Variants in C8orf34 observed in about 807,000 individuals in gnomAD.
C8orf34 encodes the protein uncharacterized protein C8orf34.
Under a neutral mutation model 68.3 loss-of-function variants are expected in C8orf34, and 65 were observed. That is an observed-to-expected ratio of 0.95 (90% confidence interval 0.78 to 1.17). The LOEUF is 1.17. Among genes scored for constraint, C8orf34 ranks in the 50% most tolerant of loss-of-function variants. The pLI is 0.00. For synonymous variants in C8orf34, 244 were observed against 241.2 expected (o/e 1.01, Z -0.11); for missense variants, 664 against 655.4 (o/e 1.01, Z -0.14).
At chr8:68,618,585 G>A (rs1211203661) in intron 7 of C8orf34, among the ~76,000 whole-genome samples, 2 of 79,686 alleles carry the variant, frequency 2.5e-5, no homozygotes. Flanking sequence ...CTGGGCTCAA[G>A]TGAAACTCCT....
chr8:68,386,135 G>C (rs943364633), intron 1 of C8orf34, among the ~76,000 whole-genome samples: 6 of 152,208 alleles, frequency 3.9e-5, no homozygotes, highest in African/African-American at 1.4e-4. Flanking sequence ...TTGAATGCCT[G>C]GGCTTAAGCA....
intron 1 of C8orf34, among the ~76,000 whole-genome samples, chr8:68,334,756 C>T (rs1485668190): frequency 6.6e-6 from 1 of 152,184 alleles, no homozygotes; most frequent in Non-Finnish European, 1.5e-5. Flanking sequence ...TCACTATCAC[C>T]TTCTCTGTTC....
At position 68,522,102 on chromosome 8, in the gene C8orf34, A is replaced by G. The variant is rs564952236; in HGVS notation, c.938+131A>G. On this transcript the variant is annotated intron_variant, in intron 6 of 13. Transcript: ENST00000518698. ...TATAGAAAATTATGTTAGTCTATACATAGGATAAAAACATCAATTGCTGTC... is the reference window on the plus strand; with the variant it reads ...TATAGAAAATTATGTTAGTCTATACGTAGGATAAAAACATCAATTGCTGTC... The G allele has an allele frequency of 7.0e-4, 493 of 705,932 alleles. 3 individuals are homozygous for G. The African/African-American group carries it at 8.0e-3, about 12-fold the overall frequency. The allele number at this position is 705,932 out of a possible 1,614,324, so 43.7% of individuals were successfully genotyped here. A position where few individuals can be genotyped will look rare whatever the true frequency, so the allele number is the denominator to read the frequency against.
intron 10 of C8orf34, among the ~76,000 whole-genome samples, chr8:68,735,398 G>A (rs559123169): frequency 6.6e-6 from 1 of 151,784 alleles, no homozygotes; most frequent in East Asian, 1.9e-4. Context: ...ACGATAACAC[G>A]TAGCTGCATC....
intron 1 of C8orf34, among the ~76,000 whole-genome samples, chr8:68,393,910 G>A (rs1340364423): frequency 6.6e-6 from 1 of 152,110 alleles, no homozygotes; most frequent in East Asian, 1.9e-4. Context: ...ATCTAGGGGA[G>A]AGATGATGGT....
Position 68,439,621 on chromosome 8 carries a change from T to C in C8orf34, c.450T>C (p.Ala150=), listed in dbSNP as rs1454323873. Residue 150 remains alanine (A), a synonymous_variant, in exon 2 of 14, where the codon GCT becomes GCC. Coordinates refer to ENST00000518698, the MANE Select transcript of C8orf34 (RefSeq NM_052958.4). The part of the protein sequence containing the change: ...QLQRTLSGSA[A]LWAESEKSES... Reference sequence around the variant, plus strand: ...AAAGAACTTTGTCTGGATCTGCAGCTCTATGGGCAGAAAGTGAAAAATCAG... The same window carrying C: ...AAAGAACTTTGTCTGGATCTGCAGCCCTATGGGCAGAAAGTGAAAAATCAG... 3 of 1,612,570 alleles carry C rather than the reference T, an allele frequency of 1.9e-6. No individual in the cohort carries two copies. The Admixed American group carries it at 5.0e-5, about 27-fold the overall frequency.
intron 5 of C8orf34, among the ~76,000 whole-genome samples, chr8:68,505,890 T>C (rs907545627): frequency 2.6e-5 from 4 of 152,174 alleles, no homozygotes; most frequent in African/African-American, 9.7e-5. Context: ...AAATATATAT[T>C]TTTTTACTTT....
intron 12 of C8orf34, among the ~76,000 whole-genome samples, chr8:68,793,274 C>A (rs1461544894): frequency 6.6e-6 from 1 of 152,172 alleles, no homozygotes; most frequent in African/African-American, 2.4e-5. Context: ...AAACTACATA[C>A]TTCCAAAAGG....
chr8:68,695,237 C>T (rs1395754608), intron 8 of C8orf34, among the ~76,000 whole-genome samples: 1 of 151,624 alleles, frequency 6.6e-6, no homozygotes, highest in African/African-American at 2.4e-5. Context: ...ACCTCTGCCT[C>T]CTGGATTCAA....
chr8:68,445,812 T>C (rs143006580), intron 2 of C8orf34, among the ~76,000 whole-genome samples: 2 of 152,310 alleles, frequency 1.3e-5, no homozygotes, highest in East Asian at 3.9e-4. Context: ...TTTTTTCTTT[T>C]TGACAGAGTC....
intron 3 of C8orf34, among the ~76,000 whole-genome samples, chr8:68,467,375 C>A (rs1489007677): frequency 6.6e-6 from 1 of 151,940 alleles, no homozygotes; most frequent in Non-Finnish European, 1.5e-5. Context: ...CCAAACCCTG[C>A]CCAAAGAATT....
chr8:68,375,673 T>C (rs1321919290), intron 1 of C8orf34, among the ~76,000 whole-genome samples: 1 of 152,236 alleles, frequency 6.6e-6, no homozygotes, highest in African/African-American at 2.4e-5. Flanking sequence ...TCCTTGGGAA[T>C]ATTACCTTGT....
At chr8:68,350,727 TGTTTTGTCTGAAATTA>T (rs1440439946) in intron 1 of C8orf34, among the ~76,000 whole-genome samples, 39 of 152,264 alleles carry the variant, frequency 2.6e-4, no homozygotes, top group African/African-American at 8.4e-4. Flanking sequence ...GTTTGAAATC[TGTTTTGTCTGAAATTA>T]GTTTTGTCTG....
At chr8:68,784,006 G>A (rs928096326) in intron 11 of C8orf34, among the ~76,000 whole-genome samples, 9 of 152,090 alleles carry the variant, frequency 5.9e-5, no homozygotes, top group Non-Finnish European at 1.2e-4. Context: ...TTAGTATGGG[G>A]CACTGGTCAC....
chr8:68,626,409 C>G (rs1586472098), intron 7 of C8orf34, among the ~76,000 whole-genome samples: 1 of 152,196 alleles, frequency 6.6e-6, no homozygotes, highest in East Asian at 1.9e-4. Flanking sequence ...AAACTGACTT[C>G]AGACAGAGTC....
At chr8:68,581,995 A>G (rs999462822) in intron 7 of C8orf34, among the ~76,000 whole-genome samples, 1 of 152,044 alleles carries the variant, frequency 6.6e-6, no homozygotes, top group African/African-American at 2.4e-5. Flanking sequence ...AGGTAAAAAC[A>G]AAATTGTTTT....
At chr8:68,496,341 C>G (rs1813522531) in intron 5 of C8orf34, among the ~76,000 whole-genome samples, 1 of 152,128 alleles carries the variant, frequency 6.6e-6, no homozygotes, top group South Asian at 2.1e-4. Flanking sequence ...CTCATGATCT[C>G]CATTTTACAC....
At chr8:68,598,844 T>C (rs1027105104) in intron 7 of C8orf34, among the ~76,000 whole-genome samples, 1 of 152,032 alleles carries the variant, frequency 6.6e-6, no homozygotes, top group African/African-American at 2.4e-5. Context: ...AAATAGAAGA[T>C]ACAGAGGACG....
chr8:68,391,380 A>G (rs1808473361), intron 1 of C8orf34, among the ~76,000 whole-genome samples: 1 of 152,116 alleles, frequency 6.6e-6, no homozygotes, highest in Non-Finnish European at 1.5e-5. Context: ...TTACTAGCTC[A>G]GATCCCAAGG....
Sources: gnomAD v4.1 joint callset for allele counts (sites outside exome capture counted in the v4.1 genomes callset) on GRCh38, gnomAD v4.1.1 for gene constraint, MANE v1.5 for transcripts, NCBI Gene and HGNC (gene_info 2026-07-23, HGNC 2026-07-21) for gene names.